The following ELAVL2 variants were observed in gnomAD, a reference collection of about 807,000 sequenced individuals.
ELAVL2 encodes ELAV-like protein 2.
Under a neutral mutation model 34.6 loss-of-function variants are expected in ELAVL2, and 4 were observed. The ratio of observed to expected loss-of-function variants is 0.12; its 90% CI spans 0.06 to 0.26. ELAVL2 has a LOEUF of 0.26. ELAVL2 is among the 10% of genes least tolerant of loss of function. The probability of loss-of-function intolerance (pLI) is 1.00; values close to 1 mark genes in which losing one functional copy is unlikely to be tolerated. For synonymous variants in ELAVL2, 193 were observed against 154.8 expected, an observed-to-expected ratio of 1.25 and a Z score of -1.83; for missense variants, 432 against 442.8, an observed-to-expected ratio of 0.98 and a Z score of 0.22.
At chr9:23,761,401 G>T (rs1271425269) in intron 2 of ELAVL2, among the ~76,000 whole-genome samples, 1 of 151,984 alleles carries the variant, frequency 6.6e-6, no homozygotes, top group Non-Finnish European at 1.5e-5. Context: ...ATACTAAGGA[G>T]ATTTTCACCT....
chr9:23,801,752 A>G (rs2137663539), intron 1 of ELAVL2, among the ~76,000 whole-genome samples: 1 of 152,370 alleles, frequency 6.6e-6, no homozygotes, highest in South Asian at 2.1e-4. Flanking sequence ...AAAGAAATTA[A>G]TTCTATTACA....
Position 23,825,871 on chromosome 9 carries a change from A to G in ELAVL2, c.-81T>C, listed in dbSNP as rs1378220932. 2 of 152,212 alleles carry G rather than the reference A, an allele frequency of 1.3e-5. No homozygotes were observed. The highest frequency in any genetic ancestry group is 2.4e-5 in the African/African-American group (1 of 41,462). 9.4% of individuals were successfully genotyped at this position (152,212 alleles called of 1,614,324 possible). A position where few individuals can be genotyped will look rare whatever the true frequency, so the allele number is the denominator to read the frequency against. On this transcript the variant is annotated 5_prime_UTR_variant, in exon 1 of 7. Transcript: ENST00000397312. Reference sequence around the variant, plus strand: ...TAACGGTGCAGTTCTCCCAATAAGGATGAGCAAGAAGCTGCTGGATAGTTC... The same window carrying G: ...TAACGGTGCAGTTCTCCCAATAAGGGTGAGCAAGAAGCTGCTGGATAGTTC...
chr9:23,706,375 G>A (rs573853508), intron 3 of ELAVL2, among the ~76,000 whole-genome samples: 3 of 152,292 alleles, frequency 2.0e-5, no homozygotes, highest in African/African-American at 4.8e-5. Context: ...CACATTTGGT[G>A]AGTAAAGCCC....
chr9:23,777,629 A>C (rs1313522738), intron 1 of ELAVL2, among the ~76,000 whole-genome samples: 1 of 151,734 alleles, frequency 6.6e-6, no homozygotes, highest in Non-Finnish European at 1.5e-5. Flanking sequence ...CAAAAGTGGG[A>C]AACGGGGGGT....
At chr9:23,745,381 C>T (rs2050241916) in intron 2 of ELAVL2, among the ~76,000 whole-genome samples, 1 of 152,154 alleles carries the variant, frequency 6.6e-6, no homozygotes, top group Admixed American at 6.5e-5. Context: ...TTCCCCTGCC[C>T]TACCCACCAC....
chr9:23,823,423 A>G (rs2065073649), intron 1 of ELAVL2, among the ~76,000 whole-genome samples: 1 of 152,186 alleles, frequency 6.6e-6, no homozygotes, highest in African/African-American at 2.4e-5. Context: ...AAGTCTTCCA[A>G]ACCACTTCTT....
chr9:23,740,427 C>G (rs1262096146), intron 2 of ELAVL2, among the ~76,000 whole-genome samples: 7 of 152,186 alleles, frequency 4.6e-5, no homozygotes, highest in Non-Finnish European at 5.9e-5. Context: ...TACAATCAAC[C>G]TTTCCAAACT....
chr9:23,814,967 C>T (rs6475755), intron 1 of ELAVL2, among the ~76,000 whole-genome samples: 5,014 of 152,090 alleles, frequency 0.033, 259 homozygotes, highest in Admixed American at 0.13. Context: ...AAAAAAAGTG[C>T]TAAACATCCT....
chr9:23,825,484 C>G lies in ELAVL2; in HGVS notation c.-16+322G>C, dbSNP rs571641974. 2.6e-5 allele frequency among the ~76,000 whole-genome samples: 4 copies of G among 152,278 alleles called. No individual in the cohort carries two copies. In the South Asian group the frequency reaches 8.3e-4, roughly 32 times the overall value. The stretch of plus-strand genomic sequence containing the variant: ...TGCATCCCCAACACCCAAGTTATCA[C>G]TCTCTCCCCACGAAATGAACTTCCG... On this transcript the variant is annotated intron_variant, in intron 1 of 6. Coordinates refer to ENST00000397312, the MANE Select transcript of ELAVL2 (RefSeq NM_004432.5).
At chr9:23,836,661 A>ATGTG in the ELAVL2 span, among the ~76,000 whole-genome samples, 18 of 151,310 alleles carry the variant, frequency 1.2e-4, no homozygotes, top group African/African-American at 4.1e-4. Context: ...GTGTGCATGC[A>ATGTG]TGTGTGTGTG....
chr9:23,773,658 C>T (rs767733367), intron 1 of ELAVL2, among the ~76,000 whole-genome samples: 6 of 152,088 alleles, frequency 3.9e-5, no homozygotes, highest in Non-Finnish European at 7.3e-5. Flanking sequence ...GGAGCACATA[C>T]GCAATTACAG....
chr9:23,783,062 A>G (rs2059269419), intron 1 of ELAVL2, among the ~76,000 whole-genome samples: 3 of 152,154 alleles, frequency 2.0e-5, no homozygotes, highest in African/African-American at 7.2e-5. Context: ...GTGAGAGCCC[A>G]CTTCATTTTC....
At chr9:23,730,925 T>C (rs2046368586) in intron 3 of ELAVL2, 97 bp downstream of exon 3, 5 of 1,152,272 alleles carry the variant, frequency 4.3e-6, no homozygotes, top group East Asian at 2.6e-5. Context: ...TAACTGTTTA[T>C]ATGGGCCCAA....
chr9:23,805,859 T>A (rs1451629647), intron 1 of ELAVL2, among the ~76,000 whole-genome samples: 1 of 152,148 alleles, frequency 6.6e-6, no homozygotes, highest in Non-Finnish European at 1.5e-5. Flanking sequence ...AGCCAATATC[T>A]TTTCAATACA....
At chr9:23,697,400 GA>G (rs2035632356) in intron 5 of ELAVL2, among the ~76,000 whole-genome samples, 1 of 152,096 alleles carries the variant, frequency 6.6e-6, no homozygotes, top group African/African-American at 2.4e-5. Flanking sequence ...TGCTTTAAAA[GA>G]CATTTATTAA....
At chr9:23,708,056 T>C (rs1002479189) in intron 3 of ELAVL2, among the ~76,000 whole-genome samples, 4 of 152,006 alleles carry the variant, frequency 2.6e-5, no homozygotes, top group South Asian at 2.1e-4. Context: ...ATTTTTTTTT[T>C]CCCCAATGTC....
intron 1 of ELAVL2, chr9:23,779,454 G>C (rs2058733831): frequency 2.0e-6 from 2 of 977,200 alleles, no homozygotes; most frequent in Admixed American, 6.2e-5. Flanking sequence ...ATGAAAGCTA[G>C]AGAGTGGGTG....
rs141522348 is a variant in ELAVL2, at chr9:23,765,255, A to G, written c.-15-3006T>C. Among the ~76,000 whole-genome samples, 341 of 152,300 alleles carry G rather than the reference A, an allele frequency of 2.2e-3. 1 individual carries two copies. The highest frequency in any genetic ancestry group is 0.014 in the Middle Eastern group (4 of 294). On this transcript the variant is annotated intron_variant, in intron 1 of 6. Transcript: ENST00000397312. ...GAGGCAATTCCAATCTAATCTTTCC[A>G]AATTCATTTCAACATGTAGTTTTCT...
At position 23,707,099 on chromosome 9, in the gene ELAVL2, C is replaced by T. The variant is rs150133793; in HGVS notation, c.334-2028G>A. Among the ~76,000 whole-genome samples, 855 of 152,276 alleles carry T rather than the reference C, an allele frequency of 5.6e-3. 4 individuals carry two copies. Among genetic ancestry groups the T allele is most frequent in the Middle Eastern group, 0.01 (3 of 294 alleles). ...GAGAAAACATACATAACTATTCATACGCTATTTGTTTTCTCTATGCCTAAA... is the reference window on the plus strand; with the variant it reads ...GAGAAAACATACATAACTATTCATATGCTATTTGTTTTCTCTATGCCTAAA... On this transcript the variant is annotated intron_variant, in intron 3 of 6. Transcript: ENST00000397312.
Sources: gnomAD v4.1 joint callset for allele counts (sites outside exome capture counted in the v4.1 genomes callset) on GRCh38, gnomAD v4.1.1 for gene constraint, MANE v1.5 for transcripts, NCBI Gene and HGNC (gene_info 2026-07-23, HGNC 2026-07-21) for gene names.